The following RPRD1B variants were observed in gnomAD, a reference collection of about 807,000 sequenced individuals.
RPRD1B encodes the protein regulation of nuclear pre-mRNA domain containing 1B.
In RPRD1B, 11 loss-of-function variants were observed where a neutral mutation model predicts 41.5. The ratio of observed to expected loss-of-function variants is 0.27; its 90% CI spans 0.17 to 0.44. The LOEUF is 0.44. RPRD1B is among the 20% of genes least tolerant of loss of function. RPRD1B has a pLI of 1.00. For synonymous variants in RPRD1B, 158 were observed against 155.6 expected, an observed-to-expected ratio of 1.02 and a Z score of -0.12; for missense variants, 248 against 389.9, an observed-to-expected ratio of 0.64 and a Z score of 3.06.
rs1402074537 is a variant in RPRD1B at position 38,057,332 on chromosome 20, G to A, written c.416-200G>A. On this transcript the variant is annotated intron_variant, in intron 3 of 6. Transcript: ENST00000373433. ...ACCAGAGAATCAATCTGAGATGACG[G>A]ACAAAGACCTGTTTGACTCTTTTCA... is the stretch of plus-strand genomic sequence containing the variant. 7.2e-5 allele frequency among the ~76,000 whole-genome samples: 11 copies of A among 152,296 alleles called. No individual in the cohort carries two copies. In the East Asian group the frequency reaches 1.5e-3, roughly 21 times the overall value.
rs764672927 is a variant in RPRD1B at position 38,034,085 on chromosome 20, C to T, written c.138C>T (p.Arg46=). The T allele has an allele frequency of 3.1e-6, 5 of 1,613,476 alleles. No homozygotes were observed. The African/African-American group carries it at 6.7e-5, about 22-fold the overall frequency. The part of the protein sequence containing the change: ...HAGPIVSVWH[R]ELRKAKSNRK... ...GACCCATCGTCTCCGTGTGGCACCG[C>T]GAGCTCCGCAAAGGTAAACACCAAA... The change falls in exon 1 of 7, where the codon CGC becomes CGT. Residue 46 remains arginine (R), a synonymous_variant. Transcript: ENST00000373433.
rs922490103 is a variant in RPRD1B, at chr20:38,091,012, G to T, written c.*1137G>T. 3.2e-5 allele frequency: 32 copies of T among 985,494 alleles called. No individual in the cohort carries two copies. The highest frequency in any genetic ancestry group is 1.4e-4 in the South Asian group (3 of 21,288). The allele number at this position is 985,494 out of a possible 1,614,324, so 61.0% of individuals were successfully genotyped here. ...GGGGAGTTGGGGATATTAATTGGGGGTTTTAATTCTATTATCATGTCAGCT... is the reference window on the plus strand; with the variant it reads ...GGGGAGTTGGGGATATTAATTGGGGTTTTTAATTCTATTATCATGTCAGCT... On this transcript the variant is annotated 3_prime_UTR_variant, in exon 7 of 7. Transcript: ENST00000373433.
At chr20:38,055,975 T>C (rs1440768468) in intron 3 of RPRD1B, among the ~76,000 whole-genome samples, 1 of 152,220 alleles carries the variant, frequency 6.6e-6, no homozygotes. Flanking sequence ...GAGGGACTGG[T>C]GTCATTTAAC....
At chr20:38,070,111 GT>G in intron 6 of RPRD1B, 1 of 754,398 alleles carries the variant, frequency 1.3e-6, no homozygotes, top group East Asian at 1.3e-4. Flanking sequence ...ATTTTTAGAA[GT>G]TTCTGTAGGT....
At chr20:38,083,669 ACATTC>A (rs1304292655) in intron 6 of RPRD1B, among the ~76,000 whole-genome samples, 1 of 152,178 alleles carries the variant, frequency 6.6e-6, no homozygotes, top group Non-Finnish European at 1.5e-5. Context: ...TGCTCCAAGA[ACATTC>A]CTCCAGTTAT....
intron 6 of RPRD1B, among the ~76,000 whole-genome samples, chr20:38,089,262 T>C (rs2074590902): frequency 6.6e-6 from 1 of 152,162 alleles, no homozygotes; most frequent in African/African-American, 2.4e-5. Flanking sequence ...GCTTCTATAG[T>C]GCTTGTTTGC....
intron 6 of RPRD1B, among the ~76,000 whole-genome samples, chr20:38,085,154 G>GGA (rs1372954738): frequency 1.3e-5 from 2 of 152,148 alleles, no homozygotes; most frequent in African/African-American, 4.8e-5. Flanking sequence ...TGGTCGTGGA[G>GGA]GAAAGGCACC....
chr20:38,059,942 C>T (rs2074281347), intron 5 of RPRD1B, among the ~76,000 whole-genome samples: 1 of 152,132 alleles, frequency 6.6e-6, no homozygotes, highest in Non-Finnish European at 1.5e-5. Flanking sequence ...GATGATAGTG[C>T]GTTCAGTGCC....
intron 5 of RPRD1B, among the ~76,000 whole-genome samples, chr20:38,063,153 A>G (rs534365396): frequency 1.3e-5 from 2 of 152,072 alleles, no homozygotes; most frequent in East Asian, 1.9e-4. Context: ...TTCCTCCCAG[A>G]TAGTTACATA....
At position 38,091,161 on chromosome 20, in the gene RPRD1B, A is replaced by G; in HGVS notation, c.*1286A>G. 6 of 985,842 alleles carry G rather than the reference A, an allele frequency of 6.1e-6. No individual in the cohort carries two copies. Among genetic ancestry groups the G allele is most frequent in the Non-Finnish European group, 7.2e-6 (6 of 829,912 alleles). The allele number at this position is 985,842 out of a possible 1,614,324, so 61.1% of individuals were successfully genotyped here. A position where few individuals can be genotyped will look rare whatever the true frequency, so the allele number is the denominator to read the frequency against. On this transcript the variant is annotated 3_prime_UTR_variant, in exon 7 of 7. Transcript: ENST00000373433. ...ATTTTTGACATTGGAAAGGGCAGAA[A>G]GCGATTTGCCCCAGTAGTGTAATAG...
At chr20:38,052,923 C>T (rs1320639319) in intron 3 of RPRD1B, among the ~76,000 whole-genome samples, 2 of 151,928 alleles carry the variant, frequency 1.3e-5, no homozygotes, top group Non-Finnish European at 2.9e-5. Context: ...GTCTGAAATT[C>T]TCCCACAATC....
intron 6 of RPRD1B, among the ~76,000 whole-genome samples, chr20:38,088,899 A>G (rs2074587231): frequency 1.3e-5 from 2 of 152,136 alleles, no homozygotes; most frequent in African/African-American, 4.8e-5. Context: ...GGAGCAGAGG[A>G]GTGGAGGCCA....
chr20:38,044,503 A>T (rs2074101537), intron 2 of RPRD1B, among the ~76,000 whole-genome samples: 1 of 151,052 alleles, frequency 6.6e-6, no homozygotes, highest in Admixed American at 6.6e-5. Flanking sequence ...CCTCCCAAGT[A>T]GCTGGGACTA....
intron 2 of RPRD1B, among the ~76,000 whole-genome samples, chr20:38,043,509 T>C (rs971096159): frequency 3.3e-5 from 5 of 151,862 alleles, no homozygotes; most frequent in Non-Finnish European, 5.9e-5. Flanking sequence ...CATCCCTCTT[T>C]AAAAATGGCT....
In RPRD1B at chr20:38,073,590, C is replaced by T. The variant is rs1375760529; in HGVS notation, c.831+7334C>T. On this transcript the variant is annotated intron_variant, in intron 6 of 6. Coordinates refer to ENST00000373433, the MANE Select transcript of RPRD1B (RefSeq NM_021215.4). ...AGATTGTTGTTTTTGGCAGCACCTC[C>T]CTGCAGGGTGCAGATGGTTAGAAGC... Among the ~76,000 whole-genome samples, 5 of 152,146 alleles carry T rather than the reference C, an allele frequency of 3.3e-5. No individual in the cohort carries two copies. The East Asian group carries it at 9.6e-4, about 29-fold the overall frequency.
intron 6 of RPRD1B, among the ~76,000 whole-genome samples, chr20:38,080,074 A>C (rs2074499462): frequency 6.6e-6 from 1 of 151,898 alleles, no homozygotes; most frequent in African/African-American, 2.4e-5. Context: ...GTTTTTTGTT[A>C]CTTGCTTATT....
intron 1 of RPRD1B, among the ~76,000 whole-genome samples, chr20:38,034,375 C>T (rs906852243): frequency 6.6e-6 from 1 of 152,194 alleles, no homozygotes; most frequent in Non-Finnish European, 1.5e-5. Context: ...ACATTTGTGG[C>T]TGTTATTATC....
At chr20:38,038,514 T>A (rs2074029671) in intron 1 of RPRD1B, among the ~76,000 whole-genome samples, 1 of 144,008 alleles carries the variant, frequency 6.9e-6, no homozygotes, top group African/African-American at 2.6e-5. Context: ...TTTTTTTTTT[T>A]GAGACAGAGT....
chr20:38,035,607 G>A (rs1157798689), intron 1 of RPRD1B, among the ~76,000 whole-genome samples: 1 of 152,222 alleles, frequency 6.6e-6, no homozygotes, highest in Non-Finnish European at 1.5e-5. Flanking sequence ...GTTCCGGGAA[G>A]AGGTAGAGCC....
Sources: gnomAD v4.1 joint callset for allele counts (sites outside exome capture counted in the v4.1 genomes callset) on GRCh38, gnomAD v4.1.1 for gene constraint, MANE v1.5 for transcripts, NCBI Gene and HGNC (gene_info 2026-07-23, HGNC 2026-07-21) for gene names.